Variants in SNTG1 observed in about 807,000 individuals in gnomAD.
SNTG1 encodes gamma-1-syntrophin.
A neutral mutation model predicts 74.7 loss-of-function variants in SNTG1; 39 were observed. That is an observed-to-expected ratio of 0.52 (90% CI 0.40 to 0.68). SNTG1 has a LOEUF of 0.68. Ranked by LOEUF, SNTG1 falls within the 30% of genes least tolerant of loss-of-function variation. The pLI, the probability that SNTG1 is intolerant of heterozygous loss-of-function variation, is 0.00. For missense variants in SNTG1, 685 were observed against 609.5 expected (o/e 1.12, Z -1.30); for synonymous variants, 254 against 217.1 (o/e 1.17, Z -1.49).
intron 1 of SNTG1, among the ~76,000 whole-genome samples, chr8:50,157,315 C>G (rs1437291598): frequency 6.6e-6 from 1 of 152,004 alleles, no homozygotes; most frequent in Non-Finnish European, 1.5e-5. Flanking sequence ...TGTTCTGTAT[C>G]TTGATCAGAG....
chr8:50,394,568 C>T (rs1365424646), intron 3 of SNTG1, among the ~76,000 whole-genome samples: 1 of 152,154 alleles, frequency 6.6e-6, no homozygotes, highest in Non-Finnish European at 1.5e-5. Context: ...ATTCTTTTCA[C>T]ATAAATGGTA....
intron 1 of SNTG1, among the ~76,000 whole-genome samples, chr8:49,943,925 T>C (rs1716717842): frequency 6.6e-6 from 1 of 152,226 alleles, no homozygotes; most frequent in Admixed American, 6.5e-5. Flanking sequence ...TTTTAAAAGC[T>C]TTTAAATATT....
At chr8:50,186,166 C>A (rs149411331) in intron 2 of SNTG1, among the ~76,000 whole-genome samples, 7,335 of 152,152 alleles carry the variant, frequency 0.048, 209 homozygotes, top group Middle Eastern at 0.1. Context: ...CATGTCCCTG[C>A]AAAGGACATG....
chr8:50,610,341 G>A (rs949283074), intron 13 of SNTG1, among the ~76,000 whole-genome samples: 3 of 152,162 alleles, frequency 2.0e-5, no homozygotes, highest in Non-Finnish European at 4.4e-5. Context: ...TGTTCAGGTT[G>A]AGGTGTGTAT....
rs187703254 is a variant in SNTG1, at chr8:49,956,710, T to C, written c.-103+44479T>C. ...TTAATTTTATTTTGCTAAACAGCTA[T>C]ATGAAAGGATCAGACAGACATATCC... On this transcript the variant is annotated intron_variant, in intron 1 of 18. Transcript: ENST00000642720. Among the ~76,000 whole-genome samples the C allele has an allele frequency of 4.9e-4, 74 of 152,292 alleles. 1 individual carries two copies. The highest frequency in any genetic ancestry group is 1.7e-3 in the African/African-American group (69 of 41,552).
At chr8:50,046,138 T>C (rs1232962230) in intron 1 of SNTG1, among the ~76,000 whole-genome samples, 2 of 152,256 alleles carry the variant, frequency 1.3e-5, no homozygotes, top group Non-Finnish European at 2.9e-5. Flanking sequence ...TTTCAACTTG[T>C]CATTAAATAA....
chr8:50,572,426 C>A (rs1407552505), intron 12 of SNTG1, among the ~76,000 whole-genome samples: 1 of 152,024 alleles, frequency 6.6e-6, no homozygotes, highest in African/African-American at 2.4e-5. Context: ...TGTGCATATG[C>A]TAATCTTAAA....
At chr8:50,334,745 C>T (rs1395239425) in intron 2 of SNTG1, among the ~76,000 whole-genome samples, 3 of 152,098 alleles carry the variant, frequency 2.0e-5, no homozygotes, top group Admixed American at 6.6e-5. Flanking sequence ...GAAAAATGAG[C>T]TTTCCTTATA....
intron 1 of SNTG1, among the ~76,000 whole-genome samples, chr8:49,943,728 G>T (rs375448558): frequency 1.6e-4 from 24 of 152,298 alleles, no homozygotes; most frequent in South Asian, 6.2e-4. Context: ...AGTACTTTCA[G>T]ATTACATTGC....
At chr8:50,330,588 A>T (rs1230452006) in intron 2 of SNTG1, among the ~76,000 whole-genome samples, 2 of 152,132 alleles carry the variant, frequency 1.3e-5, no homozygotes, top group African/African-American at 4.8e-5. Flanking sequence ...GCAGTACCCC[A>T]CTATCCCAGT....
chr8:49,918,336 TC>T (rs1199490446), intron 1 of SNTG1, among the ~76,000 whole-genome samples: 2 of 152,184 alleles, frequency 1.3e-5, no homozygotes, highest in African/African-American at 4.8e-5. Flanking sequence ...TATTCCAGCA[TC>T]TTTTCCAGCT....
intron 1 of SNTG1, among the ~76,000 whole-genome samples, chr8:50,170,583 T>C (rs1303129321): frequency 1.4e-4 from 21 of 152,184 alleles, no homozygotes; most frequent in Admixed American, 1.4e-3. Context: ...CATAAAAACA[T>C]GTAGCAAACT....
At chr8:50,029,318 A>G (rs2130741107) in intron 1 of SNTG1, among the ~76,000 whole-genome samples, 1 of 152,286 alleles carries the variant, frequency 6.6e-6, no homozygotes, top group African/African-American at 2.4e-5. Context: ...CCATCACTTC[A>G]AACATTTATC....
At chr8:50,566,980 T>A (rs1438049381) in intron 12 of SNTG1, among the ~76,000 whole-genome samples, 1 of 152,112 alleles carries the variant, frequency 6.6e-6, no homozygotes, top group Non-Finnish European at 1.5e-5. Flanking sequence ...AATTCTAAAT[T>A]AAATGATGTA....
chr8:50,168,940 G>A (rs781096461), intron 1 of SNTG1, among the ~76,000 whole-genome samples: 18 of 152,098 alleles, frequency 1.2e-4, no homozygotes, highest in Admixed American at 2.0e-4. Context: ...TCGGTTACAC[G>A]TGCACTCGTT....
At chr8:49,958,717 C>T (rs1810414157) in intron 1 of SNTG1, among the ~76,000 whole-genome samples, 1 of 152,192 alleles carries the variant, frequency 6.6e-6, no homozygotes, top group South Asian at 2.1e-4. Context: ...CTACGCCCAG[C>T]CAACATTTTC....
At chr8:50,390,843 G>C (rs2092647810) in intron 2 of SNTG1, among the ~76,000 whole-genome samples, 1 of 152,118 alleles carries the variant, frequency 6.6e-6, no homozygotes, top group Non-Finnish European at 1.5e-5. Context: ...TTGTGAATGG[G>C]AATTCACTCT....
Position 50,764,209 on chromosome 8 carries a change from CTT to C in SNTG1, c.1395+12102_1395+12103del, listed in dbSNP as rs531253312. The stretch of plus-strand genomic sequence containing the variant: ...TATATGACTTTGGTCTGGGCAATGA[CTT>C]TTTGGATTTGCCTCCATAAGCTCAG... On this transcript the variant is annotated intron_variant, in intron 18 of 18. Transcript: ENST00000642720. Among the ~76,000 whole-genome samples the C allele has an allele frequency of 7.0e-4, 107 of 151,902 alleles. 1 individual carries two copies. The highest frequency in any genetic ancestry group is 3.4e-3 in the Middle Eastern group (1 of 294).
At chr8:50,487,069 C>T (rs888733773) in intron 8 of SNTG1, among the ~76,000 whole-genome samples, 8 of 151,656 alleles carry the variant, frequency 5.3e-5, no homozygotes, top group Admixed American at 2.6e-4. Context: ...TTTATGCAGC[C>T]AAAAAACACA....
Sources: gnomAD v4.1 joint callset for allele counts (sites outside exome capture counted in the v4.1 genomes callset) on GRCh38, gnomAD v4.1.1 for gene constraint, MANE v1.5 for transcripts, NCBI Gene and HGNC (gene_info 2026-07-23, HGNC 2026-07-21) for gene names.